The following ARNT variants were observed in gnomAD, a reference collection of about 807,000 sequenced individuals.
The protein encoded by ARNT is class E basic helix-loop-helix protein 2.
A neutral mutation model predicts 105.0 loss-of-function variants in ARNT; 30 were observed. That is an observed-to-expected ratio of 0.29 (90% CI 0.21 to 0.39). The LOEUF (loss-of-function observed/expected upper bound fraction) is 0.39. ARNT is among the 10% of genes least tolerant of loss of function. ARNT has a pLI of 1.00. For missense variants in ARNT, 748 were observed against 978.7 expected (o/e 0.76, Z 3.15); for synonymous variants, 304 against 344.0 (o/e 0.88, Z 1.29).
intron 3 of ARNT, among the ~76,000 whole-genome samples, chr1:150,851,506 T>G (rs1434298319): frequency 6.6e-6 from 1 of 152,292 alleles, no homozygotes; most frequent in East Asian, 1.9e-4. Flanking sequence ...TATTTTGTTC[T>G]GTACTAAGAA....
Position 150,810,632 on chromosome 1 carries a change from T to TAA in ARNT, c.*1387_*1388dup, listed in dbSNP as rs71645814. 67 of 162,770 alleles carry TAA rather than the reference T, an allele frequency of 4.1e-4. No homozygotes were observed. The highest frequency in any genetic ancestry group is 7.9e-4 in the African/African-American group (28 of 35,350). 10.1% of individuals were successfully genotyped at this position (162,770 alleles called of 1,614,324 possible). On this transcript the variant is annotated 3_prime_UTR_variant, in exon 22 of 22. Transcript: ENST00000358595. ...CTTTAGCTACTGGCCAAAGCCAATT[T>TAA]AAAAAAAAAAAAAAAAAAGCTGGTA...
intron 4 of ARNT, 25 bp from the exon 5 acceptor site, chr1:150,842,493 G>C (rs768220766): frequency 2.8e-5 from 42 of 1,519,080 alleles, no homozygotes; most frequent in Non-Finnish European, 3.7e-5. Context: ...AATGAACTAA[G>C]CTAAAATTAA....
At position 150,810,399 on chromosome 1, in the gene ARNT, A is replaced by G. The variant is rs1654515227; in HGVS notation, c.*1622T>C. 1 of 222,402 alleles carries G rather than the reference A, an allele frequency of 4.5e-6. No individual in the cohort carries two copies. The highest frequency in any genetic ancestry group is 2.2e-5 in the African/African-American group (1 of 44,708). The allele number at this position is 222,402 out of a possible 1,614,324, so 13.8% of individuals were successfully genotyped here. On this transcript the variant is annotated 3_prime_UTR_variant, in exon 22 of 22. Transcript: ENST00000358595. ...CAACTTTTTGGTTTCGTAAATTGTG[A>G]TATAAATATATATGTATACTGTAAG...
chr1:150,818,525 G>A (rs1480249105), intron 14 of ARNT: 1 of 152,228 alleles, frequency 6.6e-6, no homozygotes, highest in East Asian at 1.9e-4. Flanking sequence ...CTGAGGCAGG[G>A]TGGATTGCTT....
chr1:150,859,966 C>T lies in ARNT; in HGVS notation c.26-1506G>A, dbSNP rs942899108. Among the ~76,000 whole-genome samples the T allele has an allele frequency of 6.6e-5, 10 of 151,384 alleles. 1 individual carries two copies. The highest frequency in any genetic ancestry group is 2.4e-4 in the African/African-American group (10 of 41,198). ...AGGCTGCAGTGAGTCGTGATTGCAC[C>T]ACTGCACTCCACCCTGGGCAACAGA... On this transcript the variant is annotated intron_variant, in intron 1 of 21. Coordinates refer to ENST00000358595, the MANE Select transcript of ARNT (RefSeq NM_001668.4).
intron 15 of ARNT, among the ~76,000 whole-genome samples, chr1:150,817,713 G>A (rs1355004500): frequency 6.6e-6 from 1 of 151,464 alleles, no homozygotes; most frequent in African/African-American, 2.4e-5. Context: ...GGAGGCTGAG[G>A]CAGGTGAATC....
intron 5 of ARNT, among the ~76,000 whole-genome samples, chr1:150,839,981 C>A (rs1660989479): frequency 6.6e-6 from 1 of 152,174 alleles, no homozygotes; most frequent in Non-Finnish European, 1.5e-5. Flanking sequence ...TGGCTCATGC[C>A]TGTAATCCCA....
intron 1 of ARNT, among the ~76,000 whole-genome samples, chr1:150,871,334 T>G (rs1474893313): frequency 7.4e-6 from 1 of 134,564 alleles, no homozygotes; most frequent in Non-Finnish European, 1.6e-5. Context: ...GGAGTCTCAC[T>G]CTGTCGCCCA....
intron 3 of ARNT, among the ~76,000 whole-genome samples, chr1:150,848,466 AAAG>A (rs1374358809): frequency 1.3e-5 from 2 of 152,140 alleles, no homozygotes; most frequent in Non-Finnish European, 2.9e-5. Context: ...AAAAAAAAAA[AAAG>A]GAGTTCTGAA....
intron 1 of ARNT, among the ~76,000 whole-genome samples, chr1:150,876,284 G>T (rs1668239867): frequency 6.6e-6 from 1 of 152,166 alleles, no homozygotes; most frequent in Admixed American, 6.5e-5. Flanking sequence ...CGCACTGGCT[G>T]CCGCTCCAAC....
chr1:150,869,821 G>A (rs1202223605), intron 1 of ARNT, among the ~76,000 whole-genome samples: 1 of 152,070 alleles, frequency 6.6e-6, no homozygotes. Context: ...TCAAAGTGCT[G>A]AGATTACAGG....
intron 14 of ARNT, among the ~76,000 whole-genome samples, chr1:150,820,283 CAT>C (rs1276415019): frequency 1.3e-5 from 2 of 152,206 alleles, no homozygotes; most frequent in East Asian, 3.8e-4. Flanking sequence ...GTGTACAAAA[CAT>C]AGTCCTTTCC....
At chr1:150,850,840 G>T (rs1557926327) in intron 3 of ARNT, among the ~76,000 whole-genome samples, 2 of 150,938 alleles carry the variant, frequency 1.3e-5, no homozygotes, top group African/African-American at 2.4e-5. Flanking sequence ...AAGTGAGGAG[G>T]GTCTCTGCCC....
chr1:150,855,274 G>A (rs1286774358), intron 2 of ARNT, among the ~76,000 whole-genome samples: 2 of 152,060 alleles, frequency 1.3e-5, no homozygotes, highest in African/African-American at 2.4e-5. Context: ...TATGTTTATG[G>A]CTGTGCGCAG....
intron 5 of ARNT, among the ~76,000 whole-genome samples, chr1:150,840,423 C>T (rs1661063589): frequency 6.6e-6 from 1 of 152,194 alleles, no homozygotes; most frequent in South Asian, 2.1e-4. Flanking sequence ...AAGTATGTGG[C>T]TCCATAGCTG....
intron 2 of ARNT, among the ~76,000 whole-genome samples, chr1:150,854,674 T>C (rs1215149106): frequency 6.6e-6 from 1 of 151,832 alleles, no homozygotes; most frequent in African/African-American, 2.4e-5. Flanking sequence ...CCAGTCAACA[T>C]GGTGAAACCT....
At chr1:150,834,831 C>T in intron 7 of ARNT, 191 bp from the exon 8 acceptor site, 1 of 512,608 alleles carries the variant, frequency 2.0e-6, no homozygotes, top group Non-Finnish European at 3.6e-6. Context: ...CAATGAATCT[C>T]ACTCTTAAGT....
chr1:150,814,193 C>G lies in ARNT; in HGVS notation c.1997G>C (p.Gly666Ala), dbSNP rs1175513684. Reference sequence around the variant, plus strand: ...GGATGGAGTCTGAAAGCTGCCCACACCAAACTGGGAAGTACGAGTCTTAGC... The same window carrying G: ...GGATGGAGTCTGAAAGCTGCCCACAGCAAACTGGGAAGTACGAGTCTTAGC... The part of the protein sequence containing the change: ...ATAKTRTSQF[G>A]VGSFQTPSSF... The change falls in exon 20 of 22, where the codon GGT becomes GCT. Residue 666 changes from glycine (G) to alanine (A), a missense_variant. Gly to Ala is a moderately conservative substitution (Grantham distance 60, BLOSUM62 0). Coordinates refer to ENST00000358595, the MANE Select transcript of ARNT (RefSeq NM_001668.4). 2.5e-6 allele frequency: 4 copies of G among 1,614,110 alleles called. No homozygotes were observed. The Admixed American group carries it at 6.7e-5, about 27-fold the overall frequency.
intron 2 of ARNT, among the ~76,000 whole-genome samples, chr1:150,854,879 G>T (rs1340734270): frequency 2.0e-5 from 3 of 149,158 alleles, no homozygotes; most frequent in Non-Finnish European, 4.5e-5. Flanking sequence ...AAAAAAAAAG[G>T]GAAGGGGAAA....
Sources: allele counts gnomAD v4.1 joint callset (sites outside exome capture counted in the v4.1 genomes callset), GRCh38; gene constraint gnomAD v4.1.1; transcripts MANE v1.5; gene names NCBI Gene and HGNC (gene_info 2026-07-23, HGNC 2026-07-21).